CHSY3: variants seen among roughly 807,000 people sequenced by gnomAD.
CHSY3 encodes the protein N-acetylgalactosaminyl-proteoglycan 3-beta-glucuronosyltransferase 3.
In CHSY3, 35 loss-of-function variants were observed where a neutral mutation model predicts 67.2. The ratio of observed to expected loss-of-function variants is 0.52; its 90% CI spans 0.40 to 0.69. The LOEUF (loss-of-function observed/expected upper bound fraction) is 0.69. Among genes scored for constraint, CHSY3 ranks in the 30% least tolerant of loss-of-function variants. The probability of loss-of-function intolerance (pLI) is 0.00; values close to 1 mark genes in which losing one functional copy is unlikely to be tolerated. For missense variants in CHSY3, 1,069 were observed against 1,138.5 expected (o/e 0.94, Z 0.88); for synonymous variants, 474 against 434.7 (o/e 1.09, Z -1.12).
At chr5:130,161,421 A>G (rs1330816151) in intron 2 of CHSY3, among the ~76,000 whole-genome samples, 1 of 152,138 alleles carries the variant, frequency 6.6e-6, no homozygotes, top group Non-Finnish European at 1.5e-5. Flanking sequence ...TTTTTTTACC[A>G]GTTTTGTGCA....
At chr5:130,068,238 CT>C (rs1363912440) in intron 2 of CHSY3, among the ~76,000 whole-genome samples, 1 of 152,108 alleles carries the variant, frequency 6.6e-6, no homozygotes, top group Non-Finnish European at 1.5e-5. Flanking sequence ...GCTGAATACA[CT>C]TGAGTTTCCC....
chr5:130,162,032 C>T (rs1399674657), intron 2 of CHSY3, among the ~76,000 whole-genome samples: 9 of 112,338 alleles, frequency 8.0e-5, no homozygotes, highest in African/African-American at 2.6e-4. Flanking sequence ...CAGAGTGAGA[C>T]CCTGTCTCAA....
At chr5:129,948,952 T>C (rs1331296657) in intron 2 of CHSY3, among the ~76,000 whole-genome samples, 1 of 152,168 alleles carries the variant, frequency 6.6e-6, no homozygotes, top group African/African-American at 2.4e-5. Context: ...TCTATAGTGG[T>C]TGGGCTAGTT....
intron 2 of CHSY3, among the ~76,000 whole-genome samples, chr5:129,992,637 G>C (rs187557578): frequency 2.0e-5 from 3 of 152,274 alleles, no homozygotes; most frequent in Admixed American, 2.0e-4. Context: ...GTTGTTGGAG[G>C]TGCTATGAGC....
intron 2 of CHSY3, among the ~76,000 whole-genome samples, chr5:130,176,015 C>T (rs1302422018): frequency 6.6e-6 from 1 of 152,074 alleles, no homozygotes; most frequent in Non-Finnish European, 1.5e-5. Flanking sequence ...TCTAATTAAA[C>T]TAAAGAGCTT....
chr5:129,998,339 A>G (rs905862596), intron 2 of CHSY3, among the ~76,000 whole-genome samples: 1 of 152,214 alleles, frequency 6.6e-6, no homozygotes, highest in Non-Finnish European at 1.5e-5. Context: ...AAATTGCTGC[A>G]TACTGTTTCA....
At chr5:129,983,374 T>C (rs182555633) in intron 2 of CHSY3, among the ~76,000 whole-genome samples, 286 of 152,196 alleles carry the variant, frequency 1.9e-3, no homozygotes, top group Non-Finnish European at 2.5e-3. Context: ...TTCTTTGTCC[T>C]CCTACATCCA....
At chr5:129,999,124 C>CTTTTTTTTTTTT (rs376975711) in intron 2 of CHSY3, among the ~76,000 whole-genome samples, 1 of 141,724 alleles carries the variant, frequency 7.1e-6, no homozygotes, top group Non-Finnish European at 1.5e-5. Context: ...TCCCCCCTCC[C>CTTTTTTTTTTTT]TTTTTTTTTT....
intron 2 of CHSY3, among the ~76,000 whole-genome samples, chr5:130,000,466 A>G (rs556156751): frequency 6.6e-6 from 1 of 152,308 alleles, no homozygotes; most frequent in South Asian, 2.1e-4. Flanking sequence ...ACATGGGTCT[A>G]TATTCATACA....
intron 2 of CHSY3, among the ~76,000 whole-genome samples, chr5:130,051,728 G>A (rs1262819194): frequency 1.3e-5 from 2 of 151,684 alleles, no homozygotes; most frequent in African/African-American, 2.4e-5. Flanking sequence ...ACAGAGACCC[G>A]GGCAGATGAA....
At chr5:130,155,497 C>T (rs1346153277) in intron 2 of CHSY3, among the ~76,000 whole-genome samples, 5 of 152,120 alleles carry the variant, frequency 3.3e-5, no homozygotes, top group Non-Finnish European at 7.4e-5. Flanking sequence ...AAACTAGAAA[C>T]GTTTCTTTTC....
chr5:129,975,605 A>T (rs550251442), intron 2 of CHSY3, among the ~76,000 whole-genome samples: 15 of 152,212 alleles, frequency 9.9e-5, no homozygotes, highest in Non-Finnish European at 1.8e-4. Flanking sequence ...TTGATTTTTT[A>T]AATTTTATAA....
intron 2 of CHSY3, among the ~76,000 whole-genome samples, chr5:130,067,424 A>T (rs370328918): frequency 2.6e-5 from 4 of 152,162 alleles, no homozygotes; most frequent in Non-Finnish European, 5.9e-5. Flanking sequence ...TTCTAATTGA[A>T]TGCCTCTTTG....
chr5:129,970,138 G>A (rs370804411), intron 2 of CHSY3, among the ~76,000 whole-genome samples: 1 of 151,748 alleles, frequency 6.6e-6, no homozygotes, highest in Admixed American at 6.6e-5. Context: ...AGATCTCCAC[G>A]TCAGCCTTTT....
chr5:129,952,025 G>T (rs1055626471), intron 2 of CHSY3, among the ~76,000 whole-genome samples: 1 of 152,160 alleles, frequency 6.6e-6, no homozygotes, highest in South Asian at 2.1e-4. Context: ...CACATAATTA[G>T]CTTTTAACTT....
intron 2 of CHSY3, among the ~76,000 whole-genome samples, chr5:130,008,809 T>G (rs2149645064): frequency 6.6e-6 from 1 of 152,266 alleles, no homozygotes; most frequent in Middle Eastern, 3.4e-3. Context: ...TACAAGAAAT[T>G]CATTCTATAT....
intron 2 of CHSY3, among the ~76,000 whole-genome samples, chr5:129,949,828 G>C (rs1462939266): frequency 6.6e-6 from 1 of 152,112 alleles, no homozygotes; most frequent in Non-Finnish European, 1.5e-5. Context: ...TAGTAAAGTT[G>C]ATACACCATA....
chr5:130,160,342 C>T (rs1395774950), intron 2 of CHSY3, among the ~76,000 whole-genome samples: 1 of 152,182 alleles, frequency 6.6e-6, no homozygotes, highest in East Asian at 1.9e-4. Context: ...TGCTTTCCTC[C>T]TTGCCCACTA....
chr5:130,018,474 AG>A (rs1764275710), intron 2 of CHSY3, among the ~76,000 whole-genome samples: 1 of 152,186 alleles, frequency 6.6e-6, no homozygotes, highest in Non-Finnish European at 1.5e-5. Context: ...ATACTTTTTT[AG>A]TTCTCTGCTT....
Sources: gnomAD v4.1 joint callset for allele counts (sites outside exome capture counted in the v4.1 genomes callset) on GRCh38, gnomAD v4.1.1 for gene constraint, MANE v1.5 for transcripts, NCBI Gene and HGNC (gene_info 2026-07-23, HGNC 2026-07-21) for gene names.